MAST4: variants seen among roughly 807,000 people sequenced by gnomAD.
MAST4 encodes the protein microtubule-associated serine/threonine-protein kinase 4.
MAST4 carries 89 observed loss-of-function variants against 162.7 expected under a neutral mutation model. That is an observed-to-expected ratio of 0.55 (90% CI 0.46 to 0.65). MAST4 has a LOEUF of 0.65. MAST4 is among the 30% of genes least tolerant of loss of function. MAST4 has a pLI of 0.00. For missense variants in MAST4, 3,153 were observed against 3,374.0 expected (o/e 0.93, Z 1.62); for synonymous variants, 1,479 against 1,361.1 (o/e 1.09, Z -1.91).
intron 2 of MAST4, among the ~76,000 whole-genome samples, chr5:66,788,379 C>A (rs1467484326): frequency 6.6e-6 from 1 of 152,148 alleles, no homozygotes; most frequent in African/African-American, 2.4e-5. Flanking sequence ...TATATATTCT[C>A]AACACATTCC....
intron 3 of MAST4, among the ~76,000 whole-genome samples, chr5:66,870,122 T>C (rs1208145547): frequency 6.6e-6 from 1 of 152,194 alleles, no homozygotes; most frequent in African/African-American, 2.4e-5. Flanking sequence ...TATGAGGGCA[T>C]TAACAGGATC....
chr5:67,024,259 A>C (rs1233474049), intron 4 of MAST4, among the ~76,000 whole-genome samples: 1 of 151,150 alleles, frequency 6.6e-6, no homozygotes, highest in Admixed American at 6.6e-5. Context: ...CTGGCTGAAC[A>C]GTATTCCATC....
At chr5:66,769,785 A>G (rs1012696102) in intron 2 of MAST4, among the ~76,000 whole-genome samples, 1 of 152,188 alleles carries the variant, frequency 6.6e-6, no homozygotes, top group Non-Finnish European at 1.5e-5. Flanking sequence ...ATTTGGCACC[A>G]TTTGAAATTT....
intron 4 of MAST4, among the ~76,000 whole-genome samples, chr5:66,905,997 A>C (rs1432183108): frequency 6.6e-6 from 1 of 152,204 alleles, no homozygotes; most frequent in Non-Finnish European, 1.5e-5. Flanking sequence ...TTCTCTATAG[A>C]ATGTAGATTT....
chr5:66,767,913 C>T (rs558374181), intron 2 of MAST4, among the ~76,000 whole-genome samples: 2 of 152,224 alleles, frequency 1.3e-5, no homozygotes, highest in African/African-American at 4.8e-5. Context: ...TCTGCCTTTC[C>T]CAGCCCACTG....
intron 1 of MAST4, among the ~76,000 whole-genome samples, chr5:66,646,603 A>G (rs921902332): frequency 8.5e-5 from 13 of 152,216 alleles, no homozygotes; most frequent in African/African-American, 3.1e-4. Flanking sequence ...ACCAATATTC[A>G]TAGAGATATT....
At chr5:67,124,203 C>G (rs577829847) in intron 14 of MAST4, among the ~76,000 whole-genome samples, 55 of 152,306 alleles carry the variant, frequency 3.6e-4, no homozygotes, top group African/African-American at 1.3e-3. Context: ...CCACCTTCTA[C>G]CCTTGGGTTT....
rs996537456 is a variant in MAST4 at position 67,120,916 on chromosome 5, A to G, written c.1660-101A>G. On this transcript the variant is annotated intron_variant, in intron 13 of 28. Coordinates refer to ENST00000403625, the MANE Select transcript of MAST4 (RefSeq NM_001164664.2). Reference sequence around the variant, plus strand: ...TGTGGCTGGAATACTGTACTTCAACATATTACATAACAGCATGTCCTTCAA... The same window carrying G: ...TGTGGCTGGAATACTGTACTTCAACGTATTACATAACAGCATGTCCTTCAA... The G allele has an allele frequency of 1.3e-5, 11 of 833,388 alleles. No individual in the cohort carries two copies. In the African/African-American group the frequency reaches 1.7e-4, roughly 13 times the overall value. The allele number at this position is 833,388 out of a possible 1,614,324, so 51.6% of individuals were successfully genotyped here.
chr5:66,654,281 A>G (rs1746412540), intron 1 of MAST4, among the ~76,000 whole-genome samples: 1 of 152,228 alleles, frequency 6.6e-6, no homozygotes. Flanking sequence ...TTAAGCAGTC[A>G]GAAGGGAGAG....
intron 6 of MAST4, among the ~76,000 whole-genome samples, chr5:67,094,391 A>T (rs1304164337): frequency 6.6e-6 from 1 of 152,308 alleles, no homozygotes; most frequent in East Asian, 1.9e-4. Flanking sequence ...TGAATTCCCT[A>T]ACTTCAATTT....
intron 3 of MAST4, among the ~76,000 whole-genome samples, chr5:66,847,643 A>AAAC (rs1022867136): frequency 1.3e-5 from 2 of 151,756 alleles, no homozygotes; most frequent in African/African-American, 2.4e-5. Flanking sequence ...TCAAAAAATA[A>AAAC]AACAACAACA....
rs769820279 is a variant in MAST4, at chr5:67,166,079, G to T, written c.6900G>T (p.Lys2300Asn). Residue 2300 changes from lysine to asparagine, a missense_variant, in exon 29 of 29, where the codon AAG becomes AAT. Physicochemically the swap from Lys to Asn is moderately conservative, Grantham distance 94 (BLOSUM62 0). This residue lies in a region of MAST4 where 1,644 missense variants were observed against 1,495.0 expected (regional missense o/e 1.10). Transcript: ENST00000403625. ...GGCGGCCCCTGGAGGTGCTGGAGAAGCCTGTGCATTTGCCAAGGCCGGGAC... is the reference window on the plus strand; with the variant it reads ...GGCGGCCCCTGGAGGTGCTGGAGAATCCTGTGCATTTGCCAAGGCCGGGAC... ...SGGRPLEVLE[K>N]PVHLPRPGHP... 1.2e-6 allele frequency: 2 copies of T among 1,613,514 alleles called. No homozygotes were observed.
intron 4 of MAST4, among the ~76,000 whole-genome samples, chr5:67,046,726 T>C (rs905278378): frequency 6.6e-6 from 1 of 152,218 alleles, no homozygotes; most frequent in Non-Finnish European, 1.5e-5. Context: ...TAAGGTAATA[T>C]ATATTTTCCT....
At chr5:67,020,741 A>G (rs1480736681) in intron 4 of MAST4, among the ~76,000 whole-genome samples, 1 of 152,198 alleles carries the variant, frequency 6.6e-6, no homozygotes, top group East Asian at 1.9e-4. Flanking sequence ...TGGTTTCCTC[A>G]TCTTTCAGTA....
intron 26 of MAST4, 66 bp downstream of exon 26, chr5:67,153,646 A>T: frequency 7.0e-7 from 1 of 1,430,620 alleles, no homozygotes; most frequent in South Asian, 1.5e-5. Context: ...TAGTACCAGG[A>T]GATTGATTTC....
At chr5:66,920,199 T>C (rs1764440140) in intron 4 of MAST4, among the ~76,000 whole-genome samples, 1 of 152,142 alleles carries the variant, frequency 6.6e-6, no homozygotes, top group Non-Finnish European at 1.5e-5. Flanking sequence ...CAAACTATGC[T>C]AAATAAAAGG....
chr5:67,165,923 T>C lies in MAST4; in HGVS notation c.6744T>C (p.Asp2248=). Residue 2248 remains aspartate (D), a synonymous_variant, in exon 29 of 29, where the codon GAT becomes GAC. Transcript: ENST00000403625. The stretch of plus-strand genomic sequence containing the variant: ...AGGGCCACAGTAAGAGTGGGCCGGA[T>C]GTGTTTCCTGCTACCCCAGGCTCCC... The part of the protein sequence containing the change: ...EGKGHSKSGP[D]VFPATPGSQN... The C allele has an allele frequency of 6.2e-7, 1 of 1,613,282 alleles. No homozygotes were observed. Among genetic ancestry groups the C allele is most frequent in the Non-Finnish European group, 8.5e-7 (1 of 1,179,852 alleles).
chr5:66,868,071 A>G (rs183329510), intron 3 of MAST4, among the ~76,000 whole-genome samples: 20 of 152,364 alleles, frequency 1.3e-4, no homozygotes, highest in African/African-American at 4.8e-4. Flanking sequence ...GTTATATAGG[A>G]TCATCAGTTC....
At chr5:66,796,699 C>T (rs1016522048) in intron 3 of MAST4, among the ~76,000 whole-genome samples, 5 of 152,074 alleles carry the variant, frequency 3.3e-5, no homozygotes, top group Non-Finnish European at 4.4e-5. Flanking sequence ...CATATATGTA[C>T]GTAGATCTCT....
Sources: gnomAD v4.1 joint callset for allele counts (sites outside exome capture counted in the v4.1 genomes callset) on GRCh38, gnomAD v4.1.1 for gene constraint, gnomAD v4.1.1 regional missense constraint, MANE v1.5 for transcripts, NCBI Gene and HGNC (gene_info 2026-07-23, HGNC 2026-07-21) for gene names.